Variants in RBFOX1 observed in about 807,000 individuals in gnomAD.
The protein encoded by RBFOX1 is RNA binding protein fox-1 homolog 1.
A neutral mutation model predicts 57.7 loss-of-function variants in RBFOX1; 8 were observed. The observed-to-expected ratio is 0.14, with a 90% confidence interval of 0.08 to 0.25. RBFOX1 has a LOEUF of 0.25. RBFOX1 is among the 10% of genes least tolerant of loss of function. The pLI is 1.00. For missense variants in RBFOX1, 611 were observed against 548.5 expected, an observed-to-expected ratio of 1.11 and a Z score of -1.14; for synonymous variants, 326 against 222.4, an observed-to-expected ratio of 1.47 and a Z score of -4.15.
At chr16:7,217,044 CCTCCCTCCCTCT>C (rs1349105394) in intron 4 of RBFOX1, among the ~76,000 whole-genome samples, 25 of 114,934 alleles carry the variant, frequency 2.2e-4, no homozygotes, top group Non-Finnish European at 3.6e-4. Flanking sequence ...TCCCTCCCTC[CCTCCCTCCCTCT>C]CTCTCCCTCT....
intron 3 of RBFOX1, among the ~76,000 whole-genome samples, chr16:5,848,986 AC>A (rs1490802519): frequency 7.9e-5 from 12 of 151,546 alleles, no homozygotes; most frequent in Non-Finnish European, 1.5e-5. Flanking sequence ...ACAAAAAAAA[AC>A]AGAAAAGTAA....
At chr16:6,379,972 A>T (rs975515475) in intron 2 of RBFOX1, among the ~76,000 whole-genome samples, 1 of 152,164 alleles carries the variant, frequency 6.6e-6, no homozygotes, top group Non-Finnish European at 1.5e-5. Context: ...AGTGTTCCCA[A>T]GGGAGAGAGA....
At chr16:5,816,016 G>T (rs1257158447) in intron 3 of RBFOX1, among the ~76,000 whole-genome samples, 1 of 152,228 alleles carries the variant, frequency 6.6e-6, no homozygotes, top group East Asian at 1.9e-4. Context: ...TCTGGGTTGA[G>T]AGGGGCCCAG....
intron 3 of RBFOX1, among the ~76,000 whole-genome samples, chr16:7,013,846 T>C (rs1048855147): frequency 6.6e-6 from 1 of 152,082 alleles, no homozygotes; most frequent in East Asian, 1.9e-4. Context: ...CTTGTAGAAA[T>C]GGGGTCTCAC....
intron 1 of RBFOX1, among the ~76,000 whole-genome samples, chr16:5,406,049 G>A (rs191511802): frequency 1.3e-5 from 2 of 152,202 alleles, no homozygotes; most frequent in Non-Finnish European, 2.9e-5. Context: ...TTATCTGGGA[G>A]TTCTCTTACT....
chr16:5,696,357 T>G (rs951274268), intron 3 of RBFOX1, among the ~76,000 whole-genome samples: 3 of 152,242 alleles, frequency 2.0e-5, no homozygotes, highest in Non-Finnish European at 4.4e-5. Flanking sequence ...TCATTTTAAC[T>G]TCTGTATAAT....
intron 4 of RBFOX1, among the ~76,000 whole-genome samples, chr16:7,417,906 A>G (rs62015704): frequency 0.11 from 17,144 of 152,060 alleles, 1,350 homozygotes; most frequent in East Asian, 0.31. Context: ...CTGCAGATGT[A>G]TTGGGTTGAG....
At chr16:6,891,479 G>T (rs1049183846) in intron 3 of RBFOX1, among the ~76,000 whole-genome samples, 1 of 151,412 alleles carries the variant, frequency 6.6e-6, no homozygotes, top group Non-Finnish European at 1.5e-5. Flanking sequence ...GAGAGAGAGA[G>T]AGAGAGGAGA....
At chr16:7,696,244 G>A (rs530011288) in intron 14 of RBFOX1, among the ~76,000 whole-genome samples, 18 of 152,294 alleles carry the variant, frequency 1.2e-4, no homozygotes, top group African/African-American at 4.3e-4. Context: ...AAGAATGTGT[G>A]CTCTGTTGGG....
Position 7,034,920 on chromosome 16 carries a change from T to C in RBFOX1, c.-15-17137T>C, listed in dbSNP as rs555475894. 3.8e-4 allele frequency among the ~76,000 whole-genome samples: 55 copies of C among 143,426 alleles called. No individual in the cohort carries two copies. The Middle Eastern group carries it at 0.014, about 38-fold the overall frequency. The allele number at this position is 143,426 out of a possible 152,430, so 94.1% of individuals were successfully genotyped here. A position where few individuals can be genotyped will look rare whatever the true frequency, so the allele number is the denominator to read the frequency against. On this transcript the variant is annotated intron_variant, in intron 3 of 15. Transcript: ENST00000550418. ...CTGGAGTGCAGTGGCGTGATCTCTGTTCACTGCAACCTCTGCCTCCCCGGT... is the reference window on the plus strand; with the variant it reads ...CTGGAGTGCAGTGGCGTGATCTCTGCTCACTGCAACCTCTGCCTCCCCGGT...
At chr16:5,682,790 T>C (rs1214350976) in intron 3 of RBFOX1, among the ~76,000 whole-genome samples, 1 of 152,208 alleles carries the variant, frequency 6.6e-6, no homozygotes, top group Non-Finnish European at 1.5e-5. Context: ...GAGAGGTCCT[T>C]GAATTTTCCT....
At chr16:6,857,580 T>G (rs903557882) in intron 3 of RBFOX1, among the ~76,000 whole-genome samples, 2 of 152,234 alleles carry the variant, frequency 1.3e-5, no homozygotes. Context: ...CTCCCAAATT[T>G]AATCGCCGTA....
chr16:5,384,148 TG>T (rs1345906874), intron 1 of RBFOX1, among the ~76,000 whole-genome samples: 16 of 152,316 alleles, frequency 1.1e-4, no homozygotes, highest in African/African-American at 3.8e-4. Flanking sequence ...ATGTGATCAT[TG>T]CTTAGCAATT....
intron 3 of RBFOX1, among the ~76,000 whole-genome samples, chr16:6,699,511 C>G (rs575668121): frequency 6.6e-6 from 1 of 152,282 alleles, no homozygotes; most frequent in East Asian, 1.9e-4. Context: ...TATAATGTGT[C>G]CAGTGACCTA....
At chr16:6,198,525 C>T (rs1307891797) in intron 1 of RBFOX1, among the ~76,000 whole-genome samples, 2 of 152,084 alleles carry the variant, frequency 1.3e-5, no homozygotes, top group South Asian at 4.2e-4. Flanking sequence ...AACTGTGTGA[C>T]CTTGAGCATG....
At chr16:7,271,452 C>T (rs545694582) in intron 4 of RBFOX1, among the ~76,000 whole-genome samples, 1 of 151,814 alleles carries the variant, frequency 6.6e-6, no homozygotes, top group East Asian at 1.9e-4. Context: ...TGACCCAGGA[C>T]CACTGTTGTA....
chr16:5,806,582 C>T (rs1453239281), intron 3 of RBFOX1, among the ~76,000 whole-genome samples: 2 of 152,156 alleles, frequency 1.3e-5, no homozygotes, highest in African/African-American at 2.4e-5. Context: ...CCAACCTTAG[C>T]AGAGGTGAAC....
intron 1 of RBFOX1, among the ~76,000 whole-genome samples, chr16:6,251,416 G>A (rs946244493): frequency 2.0e-5 from 3 of 152,040 alleles, no homozygotes; most frequent in Non-Finnish European, 4.4e-5. Flanking sequence ...GTGTGGAGGG[G>A]GCAGGAACTG....
chr16:7,309,660 C>G (rs2096267164), intron 4 of RBFOX1, among the ~76,000 whole-genome samples: 1 of 152,294 alleles, frequency 6.6e-6, no homozygotes, highest in Middle Eastern at 3.4e-3. Flanking sequence ...ACCAGGTTCT[C>G]TGCCCCAAGA....
Sources: allele counts gnomAD v4.1 joint callset (sites outside exome capture counted in the v4.1 genomes callset), GRCh38; gene constraint gnomAD v4.1.1; transcripts MANE v1.5; gene names NCBI Gene and HGNC (gene_info 2026-07-23, HGNC 2026-07-21).